SLC14A2: variants seen among roughly 807,000 people sequenced by gnomAD.
The protein encoded by SLC14A2 is urea transporter 2.
SLC14A2 carries 91 observed loss-of-function variants against 104.6 expected under a neutral mutation model. The observed-to-expected ratio is 0.87, with a 90% CI of 0.73 to 1.04. The LOEUF (loss-of-function observed/expected upper bound fraction) is 1.04. SLC14A2 is among the 50% of genes least tolerant of loss of function. The pLI is 0.00. For missense variants in SLC14A2, 1,189 were observed against 1,156.0 expected, an observed-to-expected ratio of 1.03 and a Z score of -0.41; for synonymous variants, 476 against 466.4, an observed-to-expected ratio of 1.02 and a Z score of -0.27.
intron 1 of SLC14A2, among the ~76,000 whole-genome samples, chr18:45,622,375 G>T (rs572693551): frequency 3.4e-4 from 52 of 152,274 alleles, no homozygotes; most frequent in African/African-American, 1.2e-3. Context: ...TTCCTAGGTG[G>T]TCACCTGTGA....
chr18:45,439,881 A>G lies in SLC14A2; in HGVS notation c.-124-43352A>G, dbSNP rs142115136. Among the ~76,000 whole-genome samples the G allele has an allele frequency of 8.5e-3, 1,292 of 152,348 alleles. 8 individuals are homozygous for G. The highest frequency in any genetic ancestry group is 0.014 in the Middle Eastern group (4 of 294). ...TCTTCCCTCAGGCTCTACCCTGCAC[A>G]GAGCAATCCTTGGAGACTCTATGCT... is the stretch of plus-strand genomic sequence containing the variant. On this transcript the variant is annotated intron_variant, in intron 1 of 20. Transcript: ENST00000586448.
At chr18:45,398,177 T>C (rs1185818370) in intron 1 of SLC14A2, among the ~76,000 whole-genome samples, 2 of 152,182 alleles carry the variant, frequency 1.3e-5, no homozygotes, top group African/African-American at 4.8e-5. Context: ...CAGCTTAAGA[T>C]AAAAGAACCA....
At chr18:45,344,645 C>A (rs549843261) in intron 1 of SLC14A2, among the ~76,000 whole-genome samples, 7 of 152,200 alleles carry the variant, frequency 4.6e-5, no homozygotes, top group African/African-American at 1.7e-4. Context: ...CAGTAAGGTA[C>A]CTTATGATAA....
intron 1 of SLC14A2, among the ~76,000 whole-genome samples, chr18:45,320,478 C>T (rs1454913511): frequency 1.3e-5 from 2 of 152,176 alleles, no homozygotes; most frequent in Non-Finnish European, 2.9e-5. Context: ...GGAGAAATTT[C>T]CCACAGTCAT....
intron 2 of SLC14A2, 135 bp downstream of exon 2, chr18:45,624,949 C>A: frequency 2.4e-6 from 2 of 838,372 alleles, no homozygotes; most frequent in Non-Finnish European, 3.7e-6. Flanking sequence ...ATGGTGACAC[C>A]CATGGTGGGT....
intron 1 of SLC14A2, among the ~76,000 whole-genome samples, chr18:45,299,328 TGCC>T (rs1247366936): frequency 2.6e-5 from 4 of 152,256 alleles, no homozygotes; most frequent in Non-Finnish European, 2.9e-5. Context: ...CATGCCAGGT[TGCC>T]TGTTGTCTTC....
At chr18:45,462,292 C>T (rs1164442976) in intron 1 of SLC14A2, among the ~76,000 whole-genome samples, 1 of 152,190 alleles carries the variant, frequency 6.6e-6, no homozygotes, top group African/African-American at 2.4e-5. Context: ...AACCTCAGTA[C>T]AAAAGGCATA....
intron 1 of SLC14A2, among the ~76,000 whole-genome samples, chr18:45,233,443 G>C (rs1313754415): frequency 6.6e-6 from 1 of 152,144 alleles, no homozygotes; most frequent in Non-Finnish European, 1.5e-5. Context: ...ATGGGTGAAA[G>C]TGTATCACAG....
intron 2 of SLC14A2, among the ~76,000 whole-genome samples, chr18:45,543,114 A>C (rs1406265159): frequency 6.6e-6 from 1 of 151,610 alleles, no homozygotes; most frequent in African/African-American, 2.4e-5. Flanking sequence ...ACGCCCGGCT[A>C]GTTTTTGTAT....
At chr18:45,328,244 G>T (rs530837862) in intron 1 of SLC14A2, among the ~76,000 whole-genome samples, 1 of 152,262 alleles carries the variant, frequency 6.6e-6, no homozygotes, top group East Asian at 1.9e-4. Context: ...AGGTGCTTGT[G>T]TCTGCAGAGC....
At chr18:45,478,107 G>A (rs528309899) in intron 1 of SLC14A2, among the ~76,000 whole-genome samples, 18 of 152,284 alleles carry the variant, frequency 1.2e-4, no homozygotes, top group South Asian at 6.2e-4. Context: ...CCAGGGCCCC[G>A]GTGGTGTAGG....
At chr18:45,362,375 C>G (rs950097714) in intron 1 of SLC14A2, among the ~76,000 whole-genome samples, 1 of 152,208 alleles carries the variant, frequency 6.6e-6, no homozygotes, top group Non-Finnish European at 1.5e-5. Flanking sequence ...CCTCCACTGA[C>G]AGGAACCCTC....
chr18:45,656,793 C>T (rs2045845450), intron 10 of SLC14A2, among the ~76,000 whole-genome samples: 2 of 152,192 alleles, frequency 1.3e-5, no homozygotes, highest in African/African-American at 2.4e-5. Context: ...AAGCCAAAGA[C>T]ACCGAAAGAA....
intron 2 of SLC14A2, among the ~76,000 whole-genome samples, chr18:45,606,751 AAC>A (rs775904926): frequency 6.3e-4 from 10 of 15,976 alleles, no homozygotes; most frequent in South Asian, 2.9e-3. Context: ...AAAAAAACAA[AAC>A]AAAAACAAAA....
chr18:45,441,629 C>T (rs995832875), intron 1 of SLC14A2, among the ~76,000 whole-genome samples: 1 of 152,148 alleles, frequency 6.6e-6, no homozygotes, highest in Admixed American at 6.5e-5. Context: ...GCACGCATGC[C>T]CATACATGTG....
chr18:45,556,330 T>C (rs956536531), intron 2 of SLC14A2, among the ~76,000 whole-genome samples: 1 of 152,168 alleles, frequency 6.6e-6, no homozygotes, highest in Admixed American at 6.5e-5. Context: ...CCTGCAGGTC[T>C]ATGGTGTGGC....
intron 1 of SLC14A2, among the ~76,000 whole-genome samples, chr18:45,229,308 G>A (rs1028761604): frequency 6.6e-6 from 1 of 152,144 alleles, no homozygotes; most frequent in African/African-American, 2.4e-5. Flanking sequence ...TAATAATTAA[G>A]AGGTTAAATA....
intron 1 of SLC14A2, among the ~76,000 whole-genome samples, chr18:45,217,136 A>G (rs891148910): frequency 6.6e-6 from 1 of 151,644 alleles, no homozygotes; most frequent in African/African-American, 2.4e-5. Context: ...TATTTTAATA[A>G]TCCTTATCAT....
At chr18:45,644,189 C>T (rs1568311503) in intron 10 of SLC14A2, 29 bp downstream of exon 10, 1 of 1,610,088 alleles carries the variant, frequency 6.2e-7, no homozygotes, top group Admixed American at 1.7e-5. Context: ...GGAAGAAACG[C>T]TCTTTGCCTG....
Sources: gnomAD v4.1 joint callset for allele counts (sites outside exome capture counted in the v4.1 genomes callset) on GRCh38, gnomAD v4.1.1 for gene constraint, MANE v1.5 for transcripts, NCBI Gene and HGNC (gene_info 2026-07-23, HGNC 2026-07-21) for gene names.